Variants in FAT4 observed in about 807,000 individuals in gnomAD.
FAT4 encodes the protein protocadherin Fat 4.
In FAT4, 84 loss-of-function variants were observed where a neutral mutation model predicts 303.9. That is an observed-to-expected ratio of 0.28 (90% CI 0.23 to 0.33). The LOEUF (loss-of-function observed/expected upper bound fraction) is 0.33, where lower values mean the gene tolerates loss of function less well. FAT4 is among the 10% of genes least tolerant of loss of function. FAT4 has a pLI of 1.00. For missense variants in FAT4, 6,005 were observed against 6,146.8 expected, an observed-to-expected ratio of 0.98 and a Z score of 0.77; for synonymous variants, 2,307 against 2,298.8, an observed-to-expected ratio of 1.00 and a Z score of -0.10.
chr4:125,338,684 G>A (rs959468699), intron 2 of FAT4, among the ~76,000 whole-genome samples: 1 of 152,050 alleles, frequency 6.6e-6, no homozygotes, highest in Non-Finnish European at 1.5e-5. Flanking sequence ...AGCTGATTAC[G>A]GTAACTGGTT....
At chr4:125,412,510 C>A (rs1734884821) in intron 5 of FAT4, among the ~76,000 whole-genome samples, 1 of 151,516 alleles carries the variant, frequency 6.6e-6, no homozygotes, top group African/African-American at 2.4e-5. Flanking sequence ...TTTTGTTATA[C>A]TTTTAGTTAG....
chr4:125,434,315 A>G lies in FAT4; in HGVS notation c.7089A>G (p.Thr2363=). The G allele has an allele frequency of 6.2e-7, 1 of 1,614,040 alleles. No individual in the cohort carries two copies. Among genetic ancestry groups the G allele is most frequent in the Non-Finnish European group, 8.5e-7 (1 of 1,179,952 alleles). The stretch of plus-strand genomic sequence containing the variant: ...ATGATGTCAATGACAATGTCCCCAC[A>G]TTTGCCAGTAAAGCGTATTTCACAA... The part of the protein sequence containing the change: ...IVDDVNDNVP[T]FASKAYFTTI... The change falls in exon 8 of 18, where the codon ACA becomes ACG. Residue 2363 remains threonine, a synonymous_variant. Coordinates refer to ENST00000394329, the MANE Select transcript of FAT4 (RefSeq NM_001291303.3).
chr4:125,372,257 G>A (rs774345412), intron 2 of FAT4, among the ~76,000 whole-genome samples: 4 of 151,818 alleles, frequency 2.6e-5, no homozygotes, highest in Non-Finnish European at 5.9e-5. Context: ...AGCTAATCAG[G>A]AGGCTGAGGT....
chr4:125,480,454 G>A (rs1293519080), intron 15 of FAT4, among the ~76,000 whole-genome samples: 1 of 152,154 alleles, frequency 6.6e-6, no homozygotes. Context: ...AGAAAATGGT[G>A]CTCTCTAATT....
chr4:125,450,191 G>A lies in FAT4; in HGVS notation c.9181G>A (p.Val3061Ile). The A allele has an allele frequency of 6.2e-7, 1 of 1,613,812 alleles. No individual in the cohort carries two copies. The highest frequency in any genetic ancestry group is 8.5e-7 in the Non-Finnish European group (1 of 1,179,986). Residue 3061 changes from valine (V) to isoleucine (I), a missense_variant, in exon 10 of 18, where the codon GTC (valine) becomes ATC (isoleucine). Coordinates refer to ENST00000394329, the MANE Select transcript of FAT4 (RefSeq NM_001291303.3). The stretch of plus-strand genomic sequence containing the variant: ...CTTGAACCAAAACTTTTTTATCACA[G>A]TCACTGCAAAGGATAAGGGAAACCC... The part of the protein sequence containing the change: ...SDLNQNFFIT[V>I]TAKDKGNPPL...
chr4:125,468,398 T>G (rs2126075884), intron 11 of FAT4, 114 bp from the exon 12 acceptor site: 1 of 725,188 alleles, frequency 1.4e-6, no homozygotes, highest in East Asian at 3.1e-5. Context: ...TTTTGGAAAG[T>G]AAAAAAAGTT....
intron 7 of FAT4, among the ~76,000 whole-genome samples, chr4:125,420,072 T>C (rs1191434866): frequency 6.6e-6 from 1 of 152,216 alleles, no homozygotes; most frequent in Non-Finnish European, 1.5e-5. Flanking sequence ...TGTCATTATT[T>C]TAGATAAAAT....
In FAT4 at chr4:125,321,462, G is replaced by T. The variant is rs1435055863; in HGVS notation, c.5051G>T (p.Gly1684Val). The T allele has an allele frequency of 6.2e-7, 1 of 1,614,054 alleles. No homozygotes were observed. Among genetic ancestry groups the T allele is most frequent in the Non-Finnish European group, 8.5e-7 (1 of 1,179,990 alleles). Residue 1684 changes from glycine (G) to valine (V), a missense_variant, in exon 2 of 18, where the codon GGA becomes GTA. Transcript: ENST00000394329. ...ACTGTTGGACGCCTCTTTACTATTG[G>T]ACGACATACTGGTATAATTCAGACC... is the stretch of plus-strand genomic sequence containing the variant. ...EKTVGRLFTI[G>V]RHTGIIQTAA...
At chr4:125,407,984 C>T (rs1734686518) in intron 4 of FAT4, among the ~76,000 whole-genome samples, 1 of 152,076 alleles carries the variant, frequency 6.6e-6, no homozygotes, top group Non-Finnish European at 1.5e-5. Context: ...TTGTGCAAGT[C>T]CTTTATGGAA....
At chr4:125,327,635 A>C (rs991441746) in intron 2 of FAT4, among the ~76,000 whole-genome samples, 1 of 152,206 alleles carries the variant, frequency 6.6e-6, no homozygotes, top group East Asian at 1.9e-4. Context: ...CATATTTTAT[A>C]TATATCTTCA....
intron 2 of FAT4, among the ~76,000 whole-genome samples, chr4:125,395,456 C>T (rs1179287289): frequency 6.6e-6 from 1 of 151,962 alleles, no homozygotes; most frequent in Non-Finnish European, 1.5e-5. Flanking sequence ...ATTACAGGTG[C>T]ACGCCACCAC....
In FAT4 at chr4:125,317,267, C is replaced by T. The variant is rs1030430081; in HGVS notation, c.856C>T (p.Arg286Cys). 2 of 1,580,664 alleles carry T rather than the reference C, an allele frequency of 1.3e-6. No individual in the cohort carries two copies. The highest frequency in any genetic ancestry group is 2.7e-5 in the African/African-American group (2 of 74,348). ...GGACGAGGGCACCAACGCGGACATC[C>T]GCTATCGCCTGCAGGACGAGGGGAC... Reference protein sequence around the residue: ...DADEGTNADIRYRLQDEGTPF... With the variant: ...DADEGTNADICYRLQDEGTPF... The change falls in exon 2 of 18, where the codon CGC becomes TGC. Residue 286 changes from arginine to cysteine, a missense_variant. Physicochemically the swap from Arg to Cys is radical, Grantham distance 180. Coordinates refer to ENST00000394329, the MANE Select transcript of FAT4 (RefSeq NM_001291303.3). This position sits in a 1 kb window ranked among gnomAD's most constrained non-coding sequence, Gnocchi z 7.0.
intron 2 of FAT4, among the ~76,000 whole-genome samples, chr4:125,332,159 C>CTTTTTTTTTTTTTTTTTT (rs199702900): frequency 7.5e-6 from 1 of 133,304 alleles, no homozygotes. Flanking sequence ...CCGTTCCATT[C>CTTTTTTTTTTTTTTTTTT]TTTTTTTTTT....
chr4:125,327,144 G>A (rs545864525), intron 2 of FAT4, among the ~76,000 whole-genome samples: 1 of 152,336 alleles, frequency 6.6e-6, no homozygotes, highest in Non-Finnish European at 1.5e-5. Context: ...AGTGGTGGTA[G>A]CAAGGAGCCT....
At chr4:125,422,297 T>A (rs1346626576) in intron 7 of FAT4, among the ~76,000 whole-genome samples, 1 of 152,222 alleles carries the variant, frequency 6.6e-6, no homozygotes, top group African/African-American at 2.4e-5. Context: ...GCTAATTTAA[T>A]GCACTTTATA....
intron 2 of FAT4, among the ~76,000 whole-genome samples, 185 bp from the exon 3 acceptor site, chr4:125,398,599 T>C (rs1026248110): frequency 6.6e-6 from 1 of 152,140 alleles, no homozygotes; most frequent in African/African-American, 2.4e-5. Flanking sequence ...TTATTTCGAC[T>C]TTATGTTTTC....
At chr4:125,463,486 T>C in intron 10 of FAT4, 77 bp from the exon 11 acceptor site, 1 of 775,822 alleles carries the variant, frequency 1.3e-6, no homozygotes, top group Non-Finnish European at 1.9e-6. Flanking sequence ...GAAAGATTTT[T>C]ACGTATGGTA....
At chr4:125,485,656 A>G (rs1454466545) in intron 16 of FAT4, among the ~76,000 whole-genome samples, 1 of 152,202 alleles carries the variant, frequency 6.6e-6, no homozygotes, top group Non-Finnish European at 1.5e-5. Flanking sequence ...GCTATTTTTT[A>G]TATCATTAGA....
rs748415854 is a variant in FAT4 at position 125,320,638 on chromosome 4, C to T, written c.4227C>T (p.His1409=). 4.3e-6 allele frequency: 7 copies of T among 1,614,026 alleles called. No individual in the cohort carries two copies. The highest frequency in any genetic ancestry group is 1.7e-5 in the Admixed American group (1 of 60,026). The change falls in exon 2 of 18, where the codon CAC becomes CAT. Residue 1409 remains histidine, a synonymous_variant. Coordinates refer to ENST00000394329, the MANE Select transcript of FAT4 (RefSeq NM_001291303.3). ...CATCTACAATGTCAGTGGTTATTCA[C>T]GTGAGGGACTTTAATGACAATCCTC... is the stretch of plus-strand genomic sequence containing the variant. ...PRSSTMSVVI[H]VRDFNDNPPS... is the part of the protein sequence containing the mutation.
Sources: gnomAD v4.1 joint callset for allele counts (sites outside exome capture counted in the v4.1 genomes callset) on GRCh38, gnomAD v4.1.1 for gene constraint, Gnocchi (gnomAD v3.1) non-coding constraint, MANE v1.5 for transcripts, NCBI Gene and HGNC (gene_info 2026-07-23, HGNC 2026-07-21) for gene names.